The following CSMD2 variants were observed in gnomAD, a reference collection of about 807,000 sequenced individuals.
CSMD2 encodes the protein CUB and sushi domain-containing protein 2.
In CSMD2, 130 loss-of-function variants were observed where a neutral mutation model predicts 398.5. The ratio of observed to expected loss-of-function variants is 0.33; its 90% confidence interval spans 0.28 to 0.38. The LOEUF (loss-of-function observed/expected upper bound fraction) is 0.38, where lower values mean the gene tolerates loss of function less well. Ranked by LOEUF, CSMD2 falls within the 10% of genes least tolerant of loss-of-function variation. CSMD2 has a pLI of 1.00. For missense variants in CSMD2, 3,829 were observed against 4,764.9 expected, an observed-to-expected ratio of 0.80 and a Z score of 5.78; for synonymous variants, 1,828 against 1,908.5, an observed-to-expected ratio of 0.96 and a Z score of 1.10.
At chr1:33,727,241 A>G (rs1272295779) in intron 15 of CSMD2, among the ~76,000 whole-genome samples, 1 of 152,212 alleles carries the variant, frequency 6.6e-6, no homozygotes, top group Non-Finnish European at 1.5e-5. Flanking sequence ...GGTTGGATGA[A>G]TCAATGAGTT....
intron 1 of CSMD2, among the ~76,000 whole-genome samples, chr1:34,161,911 G>A (rs905363056): frequency 6.6e-6 from 1 of 151,984 alleles, no homozygotes; most frequent in Non-Finnish European, 1.5e-5. Context: ...GGTGGATCAC[G>A]CCTGTAATCC....
chr1:34,098,380 A>T (rs1419925782), intron 1 of CSMD2, among the ~76,000 whole-genome samples: 2 of 148,776 alleles, frequency 1.3e-5, no homozygotes, highest in Admixed American at 6.7e-5. Context: ...AACCTGCACA[A>T]TGTGCACATG....
chr1:34,019,707 C>T (rs2148107526), intron 3 of CSMD2, among the ~76,000 whole-genome samples: 2 of 152,282 alleles, frequency 1.3e-5, no homozygotes, highest in East Asian at 3.9e-4. Flanking sequence ...AGCCACTTCC[C>T]TGCCTAAGAC....
intron 1 of CSMD2, among the ~76,000 whole-genome samples, chr1:34,143,258 C>T (rs1357443543): frequency 6.6e-6 from 1 of 152,074 alleles, no homozygotes; most frequent in Non-Finnish European, 1.5e-5. Context: ...GCCTGTCCAC[C>T]CAGAGCAGCA....
chr1:33,524,469 T>C (rs551763167), intron 66 of CSMD2, among the ~76,000 whole-genome samples: 109 of 152,318 alleles, frequency 7.2e-4, no homozygotes, highest in Non-Finnish European at 1.1e-3. Flanking sequence ...GCACTAAGTG[T>C]TATTGTTTAA....
chr1:33,556,859 G>A (rs1162578613), intron 55 of CSMD2, among the ~76,000 whole-genome samples: 1 of 152,150 alleles, frequency 6.6e-6, no homozygotes, highest in Non-Finnish European at 1.5e-5. Flanking sequence ...CTGCCACCAT[G>A]TGAAGAAGGA....
rs528567755 is a variant in CSMD2, at chr1:33,641,039, C to T, written c.4775-4485G>A. Reference sequence around the variant, plus strand: ...ACACTTCAAACTCTTCCCTCTGAAACGCCCCTGGCCCCCACTCTGGCACAG... The same window carrying T: ...ACACTTCAAACTCTTCCCTCTGAAATGCCCCTGGCCCCCACTCTGGCACAG... On this transcript the variant is annotated intron_variant, in intron 29 of 70. Transcript: ENST00000373381. 7.2e-5 allele frequency among the ~76,000 whole-genome samples: 11 copies of T among 152,308 alleles called. No individual in the cohort carries two copies. The South Asian group carries it at 8.3e-4, about 11-fold the overall frequency.
intron 2 of CSMD2, among the ~76,000 whole-genome samples, chr1:34,068,102 C>T (rs564622793): frequency 4.9e-4 from 74 of 152,304 alleles, no homozygotes; most frequent in African/African-American, 1.7e-3. Flanking sequence ...AAGTTTGTTT[C>T]CCTGGAATGT....
In CSMD2 at chr1:33,726,603, G is replaced by A. The variant is rs1320343602; in HGVS notation, c.2451C>T (p.Ser817=). 3.1e-6 allele frequency: 5 copies of A among 1,613,870 alleles called. No homozygotes were observed. The highest frequency in any genetic ancestry group is 2.2e-5 in the South Asian group (2 of 91,028). Residue 817 remains serine, a synonymous_variant, in exon 16 of 71, where the codon AGC becomes AGT. Coordinates refer to ENST00000373381, the MANE Select transcript of CSMD2 (RefSeq NM_001281956.2). The stretch of plus-strand genomic sequence containing the variant: ...GCTGGGCCTCAATCACCCAGGCACA[G>A]CTCAAGGCATCCTTGTAGAAGCCAG... ...GWPGFYKDAL[S]CAWVIEAQPG...
intron 67 of CSMD2, among the ~76,000 whole-genome samples, chr1:33,521,904 C>T (rs1654337613): frequency 6.6e-6 from 1 of 152,156 alleles, no homozygotes; most frequent in South Asian, 2.1e-4. Flanking sequence ...TACTTCAGAA[C>T]ACTTAATTTA....
Position 33,569,675 on chromosome 1 carries a change from T to A in CSMD2, c.7958-128A>T. On this transcript the variant is annotated intron_variant, in intron 51 of 70. Transcript: ENST00000373381. Reference sequence around the variant, plus strand: ...ACTCTGCTGGAATTCCTGACCAGAATATGGGTTGTGTTGCTGACTTGTGTG... The same window carrying A: ...ACTCTGCTGGAATTCCTGACCAGAAAATGGGTTGTGTTGCTGACTTGTGTG... The A allele has an allele frequency of 4.3e-6, 4 of 931,636 alleles. No individual in the cohort carries two copies. The South Asian group carries it at 6.9e-5, about 16-fold the overall frequency. 57.7% of individuals were successfully genotyped at this position (931,636 alleles called of 1,614,324 possible). A position where few individuals can be genotyped will look rare whatever the true frequency, so the allele number is the denominator to read the frequency against.
At chr1:33,804,675 C>G in intron 10 of CSMD2, 4 of 716,374 alleles carry the variant, frequency 5.6e-6, no homozygotes, top group South Asian at 4.4e-5. Flanking sequence ...AGCTTAGAGA[C>G]TATGCTTTTT....
At chr1:33,592,725 G>A (rs981417223) in intron 44 of CSMD2, among the ~76,000 whole-genome samples, 11 of 152,050 alleles carry the variant, frequency 7.2e-5, no homozygotes, top group African/African-American at 2.7e-4. Context: ...CGAGGTGGGC[G>A]GATCACAAGG....
At chr1:33,773,520 C>T (rs548712062) in intron 12 of CSMD2, among the ~76,000 whole-genome samples, 6 of 152,278 alleles carry the variant, frequency 3.9e-5, no homozygotes, top group Non-Finnish European at 5.9e-5. Flanking sequence ...GCTACCTCAC[C>T]GGAGAGGCAG....
intron 38 of CSMD2, among the ~76,000 whole-genome samples, 161 bp downstream of exon 38, chr1:33,617,338 G>A (rs1262767207): frequency 6.6e-6 from 1 of 152,226 alleles, no homozygotes; most frequent in Non-Finnish European, 1.5e-5. Context: ...AGTCAGCAGA[G>A]TTTATCTTTT....
At chr1:34,076,335 G>A (rs576821248) in intron 2 of CSMD2, among the ~76,000 whole-genome samples, 2 of 152,314 alleles carry the variant, frequency 1.3e-5, no homozygotes, top group Non-Finnish European at 2.9e-5. Context: ...TATGTCTTAT[G>A]CTAAAGGTAT....
chr1:33,605,934 T>C, intron 41 of CSMD2: 2 of 1,613,902 alleles, frequency 1.2e-6, no homozygotes, highest in African/African-American at 1.3e-5. Flanking sequence ...TCTTTCCAAC[T>C]CCGAGAGATC....
In CSMD2 at chr1:33,820,565, C is replaced by CAAA. The variant is rs753962666; in HGVS notation, c.1112-12_1112-10dup. 2,585 of 442,248 alleles carry CAAA rather than the reference C, an allele frequency of 5.8e-3. 18 individuals are homozygous for CAAA. Among genetic ancestry groups the CAAA allele is most frequent in the South Asian group, 0.012 (395 of 32,260 alleles). 27.4% of individuals were successfully genotyped at this position (442,248 alleles called of 1,614,324 possible). On this transcript the variant is annotated splice_polypyrimidine_tract_variant and intron_variant, in intron 7 of 70. Coordinates refer to ENST00000373381, the MANE Select transcript of CSMD2 (RefSeq NM_001281956.2). The stretch of plus-strand genomic sequence containing the variant: ...CACACCAACCTGAGTTACTACAAGG[C>CAAA]AAAAAAAAAAAAAAAAAAAAAAACA...
At chr1:33,874,873 G>A (rs1640729760) in intron 5 of CSMD2, among the ~76,000 whole-genome samples, 1 of 152,200 alleles carries the variant, frequency 6.6e-6, no homozygotes, top group Non-Finnish European at 1.5e-5. Flanking sequence ...AGCAGCAGTG[G>A]GCATGGAAGA....
Sources: gnomAD v4.1 joint callset for allele counts (sites outside exome capture counted in the v4.1 genomes callset) on GRCh38, gnomAD v4.1.1 for gene constraint, MANE v1.5 for transcripts, NCBI Gene and HGNC (gene_info 2026-07-23, HGNC 2026-07-21) for gene names.